AK5: variants seen among roughly 807,000 people sequenced by gnomAD.
The protein encoded by AK5 is adenylate kinase isoenzyme 5.
Under a neutral mutation model 69.5 loss-of-function variants are expected in AK5, and 27 were observed. That is an observed-to-expected ratio of 0.39 (90% confidence interval 0.29 to 0.54). The LOEUF (loss-of-function observed/expected upper bound fraction) is 0.54, where lower values mean the gene tolerates loss of function less well. Among genes scored for constraint, AK5 ranks in the 20% least tolerant of loss-of-function variants. AK5 has a pLI of 0.71. For synonymous variants in AK5, 260 were observed against 244.4 expected (o/e 1.06, Z -0.60); for missense variants, 531 against 700.4 (o/e 0.76, Z 2.73).
rs147590521 is a variant in AK5 at position 77,525,707 on chromosome 1, G to A, written c.1428+3764G>A. Among the ~76,000 whole-genome samples the A allele has an allele frequency of 2.7e-3, 409 of 152,280 alleles. 3 individuals are homozygous for A. Among genetic ancestry groups the A allele is most frequent in the Non-Finnish European group, 3.4e-3 (231 of 68,026 alleles). On this transcript the variant is annotated intron_variant, in intron 12 of 13. Transcript: ENST00000354567. The stretch of plus-strand genomic sequence containing the variant: ...CGGTCACATTTCAACATGGGATTTG[G>A]AGGGAACAAATTCCAAACCATACTA...
chr1:77,331,551 C>A (rs971420703), intron 5 of AK5, among the ~76,000 whole-genome samples: 1 of 152,146 alleles, frequency 6.6e-6, no homozygotes, highest in African/African-American at 2.4e-5. Flanking sequence ...ATCAATTTTT[C>A]ACCCACAGGT....
intron 10 of AK5, among the ~76,000 whole-genome samples, chr1:77,516,896 C>G (rs1157063274): frequency 6.6e-6 from 1 of 151,862 alleles, no homozygotes; most frequent in Non-Finnish European, 1.5e-5. Context: ...GTAGTGAAAC[C>G]CTGTCTGTAT....
intron 8 of AK5, among the ~76,000 whole-genome samples, chr1:77,447,850 A>C (rs569182895): frequency 6.6e-6 from 1 of 152,190 alleles, no homozygotes; most frequent in Non-Finnish European, 1.5e-5. Flanking sequence ...GTATGCAAAA[A>C]CCTGGAAACC....
At chr1:77,400,601 C>T (rs1011076807) in intron 6 of AK5, among the ~76,000 whole-genome samples, 1 of 152,116 alleles carries the variant, frequency 6.6e-6, no homozygotes, top group Non-Finnish European at 1.5e-5. Context: ...CTTAAGTTAA[C>T]CTTCTCTGCT....
chr1:77,521,416 G>A (rs1370425061), intron 11 of AK5, among the ~76,000 whole-genome samples: 2 of 152,152 alleles, frequency 1.3e-5, no homozygotes, highest in Non-Finnish European at 2.9e-5. Context: ...TTACAGGCAT[G>A]AGCCACCGCA....
chr1:77,398,657 T>C (rs539224180), intron 6 of AK5, among the ~76,000 whole-genome samples: 6 of 152,360 alleles, frequency 3.9e-5, no homozygotes, highest in Admixed American at 3.9e-4. Flanking sequence ...CTGCACAGTG[T>C]AATTCTTGTC....
chr1:77,451,229 T>A (rs1653132413), intron 8 of AK5, among the ~76,000 whole-genome samples: 1 of 152,074 alleles, frequency 6.6e-6, no homozygotes, highest in African/African-American at 2.4e-5. Context: ...TATGGAAAAT[T>A]TGAAAAAAAA....
In AK5 at chr1:77,325,738, A is replaced by G. The variant is rs1038746277; in HGVS notation, c.700-14639A>G. On this transcript the variant is annotated intron_variant, in intron 5 of 13. Transcript: ENST00000354567. ...TGGGAGAACCTTGTGGGGAGGGACTATATCTTGCCCATTTTGCATCTCTTT... is the reference window on the plus strand; with the variant it reads ...TGGGAGAACCTTGTGGGGAGGGACTGTATCTTGCCCATTTTGCATCTCTTT... Among the ~76,000 whole-genome samples the G allele has an allele frequency of 2.0e-5, 3 of 151,176 alleles. No homozygotes were observed. The Admixed American group carries it at 2.0e-4, about 10-fold the overall frequency.
chr1:77,430,560 G>C (rs1176130187), intron 8 of AK5, among the ~76,000 whole-genome samples: 2 of 152,170 alleles, frequency 1.3e-5, no homozygotes, highest in Non-Finnish European at 2.9e-5. Flanking sequence ...TTTTAATATA[G>C]ATAGGACTTG....
chr1:77,548,392 A>G (rs761622520), intron 13 of AK5, among the ~76,000 whole-genome samples: 5 of 152,110 alleles, frequency 3.3e-5, no homozygotes, highest in Non-Finnish European at 7.4e-5. Flanking sequence ...TTTTCCCCAG[A>G]TCATGCCCAG....
intron 11 of AK5, among the ~76,000 whole-genome samples, 182 bp downstream of exon 11, chr1:77,518,909 A>G (rs1217766204): frequency 6.6e-6 from 1 of 152,092 alleles, no homozygotes; most frequent in East Asian, 1.9e-4. Context: ...CTTCTACTCA[A>G]CCAGGTCGAG....
intron 5 of AK5, among the ~76,000 whole-genome samples, chr1:77,310,884 C>T (rs934962912): frequency 6.6e-5 from 10 of 152,006 alleles, no homozygotes; most frequent in Non-Finnish European, 1.5e-4. Flanking sequence ...GCTTTATGTT[C>T]TTCATTAAAT....
At chr1:77,477,078 A>G (rs1007648959) in intron 8 of AK5, among the ~76,000 whole-genome samples, 1 of 151,622 alleles carries the variant, frequency 6.6e-6, no homozygotes, top group African/African-American at 2.4e-5. Context: ...TCCAGGCTAG[A>G]GTGTACTGAT....
At chr1:77,430,890 A>C (rs1357673693) in intron 8 of AK5, among the ~76,000 whole-genome samples, 1 of 152,220 alleles carries the variant, frequency 6.6e-6, no homozygotes, top group African/African-American at 2.4e-5. Context: ...AAGACACTTA[A>C]GCATGTTTTA....
chr1:77,363,481 A>G (rs1646899923), intron 6 of AK5, among the ~76,000 whole-genome samples: 1 of 152,200 alleles, frequency 6.6e-6, no homozygotes, highest in African/African-American at 2.4e-5. Flanking sequence ...TAATAAGATG[A>G]TGTCACTTTC....
chr1:77,368,497 G>A (rs28701620), intron 6 of AK5, among the ~76,000 whole-genome samples: 111,620 of 150,624 alleles, frequency 0.74, 41,785 homozygotes, highest in East Asian at 0.82. Flanking sequence ...TCAGCCACCC[G>A]TGTGGACAAT....
chr1:77,326,014 G>A (rs1007415496), intron 5 of AK5, among the ~76,000 whole-genome samples: 8 of 152,088 alleles, frequency 5.3e-5, no homozygotes, highest in Non-Finnish European at 8.8e-5. Context: ...TTATATGTAG[G>A]ATGTGCAAGA....
intron 6 of AK5, among the ~76,000 whole-genome samples, chr1:77,410,495 G>A (rs949176945): frequency 2.6e-5 from 4 of 152,110 alleles, no homozygotes; most frequent in African/African-American, 4.8e-5. Flanking sequence ...GGCCAGGCTG[G>A]TCTCAAACTC....
chr1:77,298,647 A>G (rs1659153143), intron 5 of AK5, among the ~76,000 whole-genome samples: 1 of 150,942 alleles, frequency 6.6e-6, no homozygotes, highest in African/African-American at 2.4e-5. Flanking sequence ...CTACAAAAAA[A>G]AAAAACCACA....
Sources: gnomAD v4.1 joint callset for allele counts (sites outside exome capture counted in the v4.1 genomes callset) on GRCh38, gnomAD v4.1.1 for gene constraint, MANE v1.5 for transcripts, NCBI Gene and HGNC (gene_info 2026-07-23, HGNC 2026-07-21) for gene names.